The following LRMDA variants were observed in gnomAD, a reference collection of about 807,000 sequenced individuals.
The protein encoded by LRMDA is leucine rich melanocyte differentiation associated.
LRMDA carries 18 observed loss-of-function variants against 29.8 expected under a neutral mutation model. That is an observed-to-expected ratio of 0.60 (90% confidence interval 0.42 to 0.90). The LOEUF (loss-of-function observed/expected upper bound fraction) is 0.90. Ranked by LOEUF, LRMDA falls within the 40% of genes least tolerant of loss-of-function variation. The pLI, the probability that LRMDA is intolerant of heterozygous loss-of-function variation, is 0.00. For missense variants in LRMDA, 273 were observed against 273.9 expected, an observed-to-expected ratio of 1.00 and a Z score of 0.02; for synonymous variants, 125 against 109.4, an observed-to-expected ratio of 1.14 and a Z score of -0.89.
chr10:76,205,520 C>T (rs1296655804), intron 5 of LRMDA, among the ~76,000 whole-genome samples: 1 of 152,190 alleles, frequency 6.6e-6, no homozygotes, highest in Admixed American at 6.5e-5. Context: ...TGAGGCTCAG[C>T]TACAGGAAAT....
At chr10:75,509,198 C>T (rs1564788664) in intron 2 of LRMDA, among the ~76,000 whole-genome samples, 1 of 152,180 alleles carries the variant, frequency 6.6e-6, no homozygotes, top group Non-Finnish European at 1.5e-5. Flanking sequence ...CTGACATCTC[C>T]TACCCCGTTC....
At chr10:75,608,198 G>A (rs1840983712) in intron 2 of LRMDA, among the ~76,000 whole-genome samples, 1 of 149,718 alleles carries the variant, frequency 6.7e-6, no homozygotes, top group South Asian at 2.1e-4. Flanking sequence ...TTTGCAACAT[G>A]GATGAACCTG....
At chr10:76,076,873 A>T (rs558121432) in intron 5 of LRMDA, among the ~76,000 whole-genome samples, 1 of 152,204 alleles carries the variant, frequency 6.6e-6, no homozygotes, top group African/African-American at 2.4e-5. Flanking sequence ...TAGAAAGAAC[A>T]TGGTTAACCT....
At chr10:76,216,855 G>A (rs963064179) in intron 5 of LRMDA, among the ~76,000 whole-genome samples, 8 of 152,068 alleles carry the variant, frequency 5.3e-5, no homozygotes, top group Non-Finnish European at 1.0e-4. Flanking sequence ...ACTCTTTTTC[G>A]TACCTAAAAA....
intron 2 of LRMDA, among the ~76,000 whole-genome samples, chr10:75,688,883 G>A (rs1418051047): frequency 1.3e-5 from 2 of 152,218 alleles, no homozygotes; most frequent in African/African-American, 4.8e-5. Context: ...TGAAGGCTCA[G>A]ATGATTGTTA....
At chr10:76,112,551 G>C (rs1460797199) in intron 5 of LRMDA, among the ~76,000 whole-genome samples, 1 of 152,236 alleles carries the variant, frequency 6.6e-6, no homozygotes, top group Non-Finnish European at 1.5e-5. Context: ...AAGCCCGTCA[G>C]GGGGAAGGTC....
At chr10:75,518,539 T>G (rs920198870) in intron 2 of LRMDA, among the ~76,000 whole-genome samples, 1 of 152,238 alleles carries the variant, frequency 6.6e-6, no homozygotes, top group Admixed American at 6.5e-5. Context: ...GTGGGATCAG[T>G]GATGATGTCC....
At chr10:76,152,253 A>G (rs1850459253) in intron 5 of LRMDA, among the ~76,000 whole-genome samples, 1 of 152,176 alleles carries the variant, frequency 6.6e-6, no homozygotes, top group Non-Finnish European at 1.5e-5. Context: ...GGCATTTTAT[A>G]CAAATGTAGT....
intron 6 of LRMDA, among the ~76,000 whole-genome samples, chr10:76,410,219 G>A (rs1272244415): frequency 6.6e-6 from 1 of 151,362 alleles, no homozygotes; most frequent in Non-Finnish European, 1.5e-5. Context: ...GGTGCATGGG[G>A]TAAGATCATG....
chr10:76,185,172 G>C (rs768290642), intron 5 of LRMDA, among the ~76,000 whole-genome samples: 36 of 152,290 alleles, frequency 2.4e-4, no homozygotes, highest in Admixed American at 1.6e-3. Context: ...GAGTTACTGC[G>C]TTCAGGATGA....
chr10:76,307,729 T>A (rs984293041), intron 5 of LRMDA, among the ~76,000 whole-genome samples: 2 of 152,170 alleles, frequency 1.3e-5, no homozygotes, highest in African/African-American at 4.8e-5. Context: ...TCTTTTGTCT[T>A]TGAAGATGGT....
At chr10:76,479,962 T>G (rs1291142565) in intron 6 of LRMDA, among the ~76,000 whole-genome samples, 1 of 151,958 alleles carries the variant, frequency 6.6e-6, no homozygotes, top group Non-Finnish European at 1.5e-5. Context: ...GCAAAAACAA[T>G]TATGATTCCT....
At chr10:76,155,475 A>G (rs1176890219) in intron 5 of LRMDA, among the ~76,000 whole-genome samples, 1 of 152,222 alleles carries the variant, frequency 6.6e-6, no homozygotes, top group Non-Finnish European at 1.5e-5. Flanking sequence ...AAGCTGTTTT[A>G]TAAAGGGAAT....
At chr10:76,427,959 TG>T (rs879286653) in intron 6 of LRMDA, among the ~76,000 whole-genome samples, 2 of 152,228 alleles carry the variant, frequency 1.3e-5, no homozygotes, top group Admixed American at 6.5e-5. Context: ...GAAGCCCAGT[TG>T]ATCATGGTGG....
At chr10:75,899,050 ATGT>A (rs1196635434) in intron 2 of LRMDA, among the ~76,000 whole-genome samples, 1 of 152,182 alleles carries the variant, frequency 6.6e-6, no homozygotes, top group Non-Finnish European at 1.5e-5. Context: ...AGCAGACAAA[ATGT>A]TGTGCCCTTC....
chr10:75,884,043 T>C (rs1201181996), intron 2 of LRMDA, among the ~76,000 whole-genome samples: 69 of 152,170 alleles, frequency 4.5e-4, no homozygotes. Flanking sequence ...TATTTTTTTC[T>C]TGGCTAAATT....
chr10:75,717,744 G>T (rs1013507529), intron 2 of LRMDA, among the ~76,000 whole-genome samples: 1 of 152,158 alleles, frequency 6.6e-6, no homozygotes, highest in Admixed American at 6.5e-5. Flanking sequence ...TTCAGAACCA[G>T]CAGAGGGTAG....
At chr10:76,486,212 C>A (rs1842780853) in intron 6 of LRMDA, among the ~76,000 whole-genome samples, 1 of 151,924 alleles carries the variant, frequency 6.6e-6, no homozygotes, top group African/African-American at 2.4e-5. Flanking sequence ...TTAAAGCCGG[C>A]AATCCACCCA....
At chr10:75,473,175 G>T (rs1844745585) in intron 2 of LRMDA, among the ~76,000 whole-genome samples, 1 of 152,222 alleles carries the variant, frequency 6.6e-6, no homozygotes, top group Non-Finnish European at 1.5e-5. Flanking sequence ...CTAGTTCTGG[G>T]CTAGTGATAT....
Sources: allele counts gnomAD v4.1 joint callset (sites outside exome capture counted in the v4.1 genomes callset), GRCh38; gene constraint gnomAD v4.1.1; transcripts MANE v1.5; gene names NCBI Gene and HGNC (gene_info 2026-07-23, HGNC 2026-07-21).